The following APOBR variants were observed in gnomAD, a reference collection of about 807,000 sequenced individuals.
The protein encoded by APOBR is apolipoprotein B receptor, also known as apoB-48R.
APOBR carries 57 observed loss-of-function variants against 88.5 expected under a neutral mutation model. The observed-to-expected ratio is 0.64, with a 90% CI of 0.52 to 0.80. The LOEUF (loss-of-function observed/expected upper bound fraction) is 0.80, where lower values mean the gene tolerates loss of function less well. Among genes scored for constraint, APOBR ranks in the 30% least tolerant of loss-of-function variants. APOBR has a pLI of 0.00. For missense variants in APOBR, 1,443 were observed against 1,401.6 expected (o/e 1.03, Z -0.47); for synonymous variants, 588 against 572.7 (o/e 1.03, Z -0.38).
rs763357209 is a variant in APOBR at position 28,498,491 on chromosome 16, C to T, written c.3280C>T (p.Pro1094Ser). Residue 1094 changes from proline (P) to serine (S), a missense_variant, in exon 4 of 4, where the codon CCT (proline) becomes TCT (serine). Transcript: ENST00000564831. ...MQELQARLGRPKPQ is the reference protein window; with the variant it reads ...MQELQARLGRSKPQ ...GGAGCTGCAAGCCCGTCTGGGCCGG[C>T]CTAAGCCCCAGTGACTGAGACCCGG... The T allele has an allele frequency of 6.3e-7, 1 of 1,599,138 alleles. No homozygotes were observed. The highest frequency in any genetic ancestry group is 8.5e-7 in the Non-Finnish European group (1 of 1,173,454).
At position 28,495,968 on chromosome 16, in the gene APOBR, G is replaced by A; in HGVS notation, c.927G>A (p.Glu309=). 6.2e-7 allele frequency: 1 copy of A among 1,609,390 alleles called. No individual in the cohort carries two copies. Among genetic ancestry groups the A allele is most frequent in the Non-Finnish European group, 8.5e-7 (1 of 1,179,518 alleles). Residue 309 remains glutamate, a synonymous_variant, in exon 2 of 4, where the codon GAG becomes GAA. Transcript: ENST00000564831. The part of the protein sequence containing the change: ...EEARTISGGE[E]AETASGGEEA... ...CCAGGACAATCTCAGGCGGGGAGGA[G>A]GCTGAGACAGCCTCAGGCGGGGAGG...
chr16:28,495,545 C>A lies in APOBR; in HGVS notation c.504C>A (p.Asn168Lys). The change falls in exon 2 of 4, where the codon AAC becomes AAA. Residue 168 changes from asparagine (N) to lysine (K), a missense_variant. Coordinates refer to ENST00000564831, the MANE Select transcript of APOBR (RefSeq NM_018690.4). Reference sequence around the variant, plus strand: ...AGGAGTCCCATGAGCAGGAAGTGAACAGAGAAGAGAGGCTGAGAAGCTGGG... The same window carrying A: ...AGGAGTCCCATGAGCAGGAAGTGAAAAGAGAAGAGAGGCTGAGAAGCTGGG... Reference protein sequence around the residue: ...ERQESHEQEVNREERLRSWEQ... With the variant: ...ERQESHEQEVKREERLRSWEQ... The A allele has an allele frequency of 1.3e-6, 2 of 1,567,724 alleles. No individual in the cohort carries two copies. Among genetic ancestry groups the A allele is most frequent in the Non-Finnish European group, 1.7e-6 (2 of 1,156,550 alleles).
Position 28,495,554 on chromosome 16 carries a change from G to A in APOBR, c.513G>A (p.Glu171=), listed in dbSNP as rs1271627191. 6.4e-7 allele frequency: 1 copy of A among 1,566,758 alleles called. No individual in the cohort carries two copies. ...ATGAGCAGGAAGTGAACAGAGAAGA[G>A]AGGCTGAGAAGCTGGGAACAGGAGG... The part of the protein sequence containing the change: ...ESHEQEVNRE[E]RLRSWEQEEE... Residue 171 remains glutamate, a synonymous_variant, in exon 2 of 4, where the codon GAG becomes GAA. Transcript: ENST00000564831.
rs751986486 is a variant in APOBR at position 28,496,712 on chromosome 16, C to T, written c.1671C>T (p.Ser557=). 6.9e-6 allele frequency: 11 copies of T among 1,601,200 alleles called. No homozygotes were observed. The highest frequency in any genetic ancestry group is 3.5e-5 in the Admixed American group (2 of 57,490). ...LGVEWGGLTH[S]VTKGQGPELM... ...TGGAATGGGGTGGCCTCACACACAGCGTCACCAAAGGCCAAGGACCTGAGC... is the reference window on the plus strand; with the variant it reads ...TGGAATGGGGTGGCCTCACACACAGTGTCACCAAAGGCCAAGGACCTGAGC... Residue 557 remains serine, a synonymous_variant, in exon 2 of 4, where the codon AGC becomes AGT. Transcript: ENST00000564831.
Position 28,496,598 on chromosome 16 carries a change from CTT to C in APOBR, c.1558_1559del (p.Leu520GlyfsTer9). The C allele has an allele frequency of 6.4e-7, 1 of 1,571,522 alleles. No homozygotes were observed. ...SDGEAEGTAD[L>X]EATPEARPEE... ...ATGGAGAGGCTGAAGGCACTGCCGA[CTT>C]GGAGGCAACTCCAGAGGCCAGGCCT... On this transcript the variant is annotated frameshift_variant, in exon 2 of 4. Coordinates refer to ENST00000564831, the MANE Select transcript of APOBR (RefSeq NM_018690.4). LOFTEE classifies it high-confidence loss of function.
chr16:28,498,911 C>A lies in APOBR; in HGVS notation c.*406C>A. On this transcript the variant is annotated 3_prime_UTR_variant, in exon 4 of 4. Transcript: ENST00000564831. The stretch of plus-strand genomic sequence containing the variant: ...CAGCCTGGGCAGCATAGCAAGATCC[C>A]CATCTTTTAAAAACAAAATAAAACA... 1.9e-6 allele frequency: 1 copy of A among 516,656 alleles called. No homozygotes were observed. Among genetic ancestry groups the A allele is most frequent in the Non-Finnish European group, 3.7e-6 (1 of 272,496 alleles). The allele number at this position is 516,656 out of a possible 1,614,324, so 32.0% of individuals were successfully genotyped here. A position where few individuals can be genotyped will look rare whatever the true frequency, so the allele number is the denominator to read the frequency against.
Position 28,494,752 on chromosome 16 carries a change from AC to A in APOBR, c.57+15del. On this transcript the variant is annotated intron_variant, in intron 1 of 3. Transcript: ENST00000564831. ...AGGGGGGCACTGGTGAGAAGGGCAG[AC>A]AGCTGCCAGATACTTGCACCCCATT... 1 of 1,604,854 alleles carries A rather than the reference AC, an allele frequency of 6.2e-7. No individual in the cohort carries two copies. Among genetic ancestry groups the A allele is most frequent in the Non-Finnish European group, 8.5e-7 (1 of 1,175,354 alleles).
Position 28,498,636 on chromosome 16 carries a change from T to A in APOBR, c.*131T>A. The A allele has an allele frequency of 9.3e-7, 1 of 1,078,408 alleles. No individual in the cohort carries two copies. Among genetic ancestry groups the A allele is most frequent in the Non-Finnish European group, 1.3e-6 (1 of 763,772 alleles). The allele number at this position is 1,078,408 out of a possible 1,614,324, so 66.8% of individuals were successfully genotyped here. A position where few individuals can be genotyped will look rare whatever the true frequency, so the allele number is the denominator to read the frequency against. ...CCCTCTGGGCCTCAGTGTCTTGATG[T>A]ATCATTCATGGAGCAGGCAAAACCA... is the stretch of plus-strand genomic sequence containing the variant. On this transcript the variant is annotated 3_prime_UTR_variant, in exon 4 of 4. Coordinates refer to ENST00000564831, the MANE Select transcript of APOBR (RefSeq NM_018690.4).
In APOBR at chr16:28,498,600, C is replaced by A; in HGVS notation, c.*95C>A. ...CCTGCTCCCTCTGCCACTGTGGACA[C>A]ATCCTCTCCACCCTCTGGGCCTCAG... On this transcript the variant is annotated 3_prime_UTR_variant, in exon 4 of 4. Transcript: ENST00000564831. 7.3e-7 allele frequency: 1 copy of A among 1,361,934 alleles called. No homozygotes were observed. The highest frequency in any genetic ancestry group is 2.2e-5 in the Admixed American group (1 of 46,022). 84.4% of individuals were successfully genotyped at this position (1,361,934 alleles called of 1,614,324 possible).
rs777615234 is a variant in APOBR at position 28,498,376 on chromosome 16, TG to T, written c.3224+31del. 4 of 1,596,728 alleles carry T rather than the reference TG, an allele frequency of 2.5e-6. No homozygotes were observed. The South Asian group carries it at 3.4e-5, about 13-fold the overall frequency. On this transcript the variant is annotated intron_variant, in intron 3 of 3. Transcript: ENST00000564831. The stretch of plus-strand genomic sequence containing the variant: ...TAGGCACAGGGCAACTCAGCTGGGG[TG>T]GGGAAGAGACCGCGGGCACCTGGGA...
chr16:28,497,639 G>T lies in APOBR; in HGVS notation c.2598G>T (p.Glu866Asp), dbSNP rs374959163. 5.6e-6 allele frequency: 9 copies of T among 1,604,980 alleles called. No homozygotes were observed. The highest frequency in any genetic ancestry group is 7.7e-6 in the Non-Finnish European group (9 of 1,175,804). ...CGGGCTCCCAGACAGCGAGGGCAGA[G>T]GGGATGGGAGCCATGGTGGAGGCTG... ...DPAGSQTARAEGMGAMVEAGG... is the reference protein window; with the variant it reads ...DPAGSQTARADGMGAMVEAGG... Residue 866 changes from glutamate to aspartate, a missense_variant, in exon 2 of 4, where the codon GAG (glutamate) becomes GAT (aspartate). By Grantham distance (45) the Glu-to-Asp change is conservative. Coordinates refer to ENST00000564831, the MANE Select transcript of APOBR (RefSeq NM_018690.4).
Position 28,496,393 on chromosome 16 carries a change from G to A in APOBR, c.1352G>A (p.Gly451Glu). 3 of 1,609,834 alleles carry A rather than the reference G, an allele frequency of 1.9e-6. No homozygotes were observed. The highest frequency in any genetic ancestry group is 1.1e-5 in the South Asian group (1 of 90,532). ...ESQTAGREAV[G>E]GQEAGESFEG... ...CAGACCGCAGGGAGGGAAGCTGTGG[G>A]AGGCCAGGAGGCAGGGGAGAGCTTT... is the stretch of plus-strand genomic sequence containing the variant. The change falls in exon 2 of 4, where the codon GGA becomes GAA. Residue 451 changes from glycine (G) to glutamate (E), a missense_variant. Gly to Glu is a moderately conservative substitution (Grantham distance 98). Coordinates refer to ENST00000564831, the MANE Select transcript of APOBR (RefSeq NM_018690.4).
At position 28,497,907 on chromosome 16, in the gene APOBR, G is replaced by A; in HGVS notation, c.2866G>A (p.Ala956Thr). 6.2e-7 allele frequency: 1 copy of A among 1,613,606 alleles called. No individual in the cohort carries two copies. The highest frequency in any genetic ancestry group is 8.5e-7 in the Non-Finnish European group (1 of 1,179,736). Residue 956 changes from alanine (A) to threonine (T), a missense_variant, in exon 2 of 4, where the codon GCA becomes ACA. By Grantham distance (58) the Ala-to-Thr change is moderately conservative. Transcript: ENST00000564831. The part of the protein sequence containing the change: ...QEEQPTHQAP[A>T]EAAPESVGEA... The stretch of plus-strand genomic sequence containing the variant: ...GGAGCAGCCAACACACCAGGCCCCT[G>A]CAGAAGCTGCGCCGGAGTCAGTCGG...
At position 28,497,753 on chromosome 16, in the gene APOBR, T is replaced by G. The variant is rs758176513; in HGVS notation, c.2712T>G (p.Cys904Trp). ...REQREDSEGR[C>W]GDYHPEGEAP... ...AGAGGGAAGACAGTGAGGGGCGGTGTGGGGACTACCACCCTGAGGGAGAGG... is the reference window on the plus strand; with the variant it reads ...AGAGGGAAGACAGTGAGGGGCGGTGGGGGGACTACCACCCTGAGGGAGAGG... The change falls in exon 2 of 4, where the codon TGT becomes TGG. Residue 904 changes from cysteine to tryptophan, a missense_variant. Coordinates refer to ENST00000564831, the MANE Select transcript of APOBR (RefSeq NM_018690.4). 3 of 1,603,990 alleles carry G rather than the reference T, an allele frequency of 1.9e-6. No homozygotes were observed. The highest frequency in any genetic ancestry group is 2.6e-6 in the Non-Finnish European group (3 of 1,175,522).
chr16:28,495,003 C>G, intron 1 of APOBR, 96 bp from the exon 2 acceptor site: 1 of 1,228,416 alleles, frequency 8.1e-7, no homozygotes, highest in South Asian at 1.7e-5. Context: ...ATCCCAGTAC[C>G]CTCTTCCTTA....
Position 28,496,821 on chromosome 16 carries a change from A to G in APOBR, c.1780A>G (p.Ser594Gly). Residue 594 changes from serine to glycine, a missense_variant, in exon 2 of 4, where the codon AGC (serine) becomes GGC (glycine). By Grantham distance (56) the Ser-to-Gly change is moderately conservative. Coordinates refer to ENST00000564831, the MANE Select transcript of APOBR (RefSeq NM_018690.4). ...GGAGCTCATGGGAGTTCTGGCCCTG[A>G]GCAAAGAGGAGCAGGAGAGGAGCCT... ...EVELMGVLALSKEEQERSLEA... is the reference protein window; with the variant it reads ...EVELMGVLALGKEEQERSLEA... 6.4e-7 allele frequency: 1 copy of G among 1,561,070 alleles called. No individual in the cohort carries two copies. The highest frequency in any genetic ancestry group is 8.7e-7 in the Non-Finnish European group (1 of 1,152,484).
rs935713150 is a variant in APOBR at position 28,495,377 on chromosome 16, A to G, written c.336A>G (p.Gln112=). 4 of 1,563,216 alleles carry G rather than the reference A, an allele frequency of 2.6e-6. No individual in the cohort carries two copies. The Admixed American group carries it at 7.7e-5, about 30-fold the overall frequency. The change falls in exon 2 of 4, where the codon CAA becomes CAG. Residue 112 remains glutamine (Q), a synonymous_variant. Transcript: ENST00000564831. ...GAGATGGCAGCTCCCATGGGTCCCAAGCAGAGAGGCAGGACAGTGGGGCTG... is the reference window on the plus strand; with the variant it reads ...GAGATGGCAGCTCCCATGGGTCCCAGGCAGAGAGGCAGGACAGTGGGGCTG... ...GWGDGSSHGS[Q]AERQDSGAGE...
In APOBR at chr16:28,497,717, GGA is replaced by G. The variant is rs2046404572; in HGVS notation, c.2683_2684del (p.Glu895ThrfsTer6). ...TGGAAGAAGAGGCTGTTGGATGGCA[GGA>G]GAGAGAACAGAGGGAAGACAGTGAG... ...LLEEEAVGWQEREQREDSEGR... is the reference protein window; with the variant it reads ...LLEEEAVGWQXREQREDSEGR... On this transcript the variant is annotated frameshift_variant, in exon 2 of 4. Transcript: ENST00000564831. LOFTEE classifies it high-confidence loss of function. 1.1e-5 allele frequency: 17 copies of G among 1,604,616 alleles called. No individual in the cohort carries two copies. The highest frequency in any genetic ancestry group is 1.4e-5 in the Non-Finnish European group (17 of 1,175,900).
Position 28,497,738 on chromosome 16 carries a change from CAGTG to C in APOBR, c.2700_2703del (p.Ser900ArgfsTer24), listed in dbSNP as rs769141400. On this transcript the variant is annotated frameshift_variant, in exon 2 of 4. Transcript: ENST00000564831. LOFTEE classifies it high-confidence loss of function. ...GGCAGGAGAGAGAACAGAGGGAAGA[CAGTG>C]AGGGGCGGTGTGGGGACTACCACCC... The C allele has an allele frequency of 2.5e-6, 4 of 1,604,620 alleles. No individual in the cohort carries two copies. The highest frequency in any genetic ancestry group is 1.7e-4 in the Middle Eastern group (1 of 6,046).
Sources: allele counts gnomAD v4.1 joint callset, GRCh38; gene constraint gnomAD v4.1.1; transcripts MANE v1.5; gene names NCBI Gene and HGNC (gene_info 2026-07-23, HGNC 2026-07-21).